CD163L1: variants seen among roughly 807,000 people sequenced by gnomAD.
CD163L1 encodes the protein scavenger receptor cysteine-rich type 1 protein M160.
Under a neutral mutation model 165.4 loss-of-function variants are expected in CD163L1, and 124 were observed. The ratio of observed to expected loss-of-function variants is 0.75; its 90% confidence interval spans 0.65 to 0.87. The LOEUF (loss-of-function observed/expected upper bound fraction) is 0.87. CD163L1 is among the 40% of genes least tolerant of loss of function. The pLI, the probability that CD163L1 is intolerant of heterozygous loss-of-function variation, is 0.00. For synonymous variants in CD163L1, 585 were observed against 662.2 expected, an observed-to-expected ratio of 0.88 and a Z score of 1.79; for missense variants, 1,525 against 1,799.9, an observed-to-expected ratio of 0.85 and a Z score of 2.76.
rs1278104647 is a variant in CD163L1 at position 7,369,684 on chromosome 12, T to C, written c.3731-19A>G. 1.3e-6 allele frequency: 2 copies of C among 1,598,558 alleles called. No homozygotes were observed. Among genetic ancestry groups the C allele is most frequent in the Admixed American group, 3.4e-5 (2 of 59,386 alleles). On this transcript the variant is annotated intron_variant, in intron 14 of 19. Coordinates refer to ENST00000313599, the MANE Select transcript of CD163L1 (RefSeq NM_174941.6). This position sits in a 1 kb window ranked among gnomAD's most constrained non-coding sequence, Gnocchi z 4.9. ...ATTCTATCTACAAAGGCACAAAACA[T>C]GGCTGTCTTTACTCCTGAAGGAGGT...
chr12:7,398,060 T>C lies in CD163L1; in HGVS notation c.1729+204A>G, dbSNP rs1311319902. On this transcript the variant is annotated intron_variant, in intron 7 of 19. Transcript: ENST00000313599. The surrounding 1 kb of genome is among the most constrained non-coding windows in gnomAD (Gnocchi z 4.5). Reference sequence around the variant, plus strand: ...GTAGGGGAAGGGATCCAAAGGATCATAGTCAGGGTTGTCTACTAATTTCTT... The same window carrying C: ...GTAGGGGAAGGGATCCAAAGGATCACAGTCAGGGTTGTCTACTAATTTCTT... Among the ~76,000 whole-genome samples, 2 of 152,200 alleles carry C rather than the reference T, an allele frequency of 1.3e-5. No individual in the cohort carries two copies. The highest frequency in any genetic ancestry group is 4.8e-5 in the African/African-American group (2 of 41,456).
the CD163L1 span, among the ~76,000 whole-genome samples, chr12:7,328,993 C>T: frequency 1.0e-4 from 15 of 147,276 alleles, no homozygotes; most frequent in African/African-American, 3.5e-4. Context: ...TGTATATACA[C>T]ATATGTATAT....
In CD163L1 at chr12:7,375,385, C is replaced by T; in HGVS notation, c.2897G>A (p.Arg966Lys). The change falls in exon 11 of 20, where the codon AGG becomes AAG. Residue 966 changes from arginine (R) to lysine (K), a missense_variant. Transcript: ENST00000313599. ...GERSVRVWGH[R>K]FHCLGNESLL... ...TGACTCATTCCCTAAGCAATGAAAC[C>T]TGTGTCCCCACACACGAACACTTCT... The T allele has an allele frequency of 6.2e-7, 1 of 1,614,180 alleles. No individual in the cohort carries two copies. Among genetic ancestry groups the T allele is most frequent in the Non-Finnish European group, 8.5e-7 (1 of 1,180,042 alleles).
At chr12:7,323,322 G>A in the CD163L1 span, 1 of 1,608,946 alleles carries the variant, frequency 6.2e-7, no homozygotes, top group Non-Finnish European at 8.5e-7. Flanking sequence ...CAGGTAGGTT[G>A]AGAAAATATC....
chr12:7,344,089 TTG>T (rs1203046377), downstream of CD163L1, among the ~76,000 whole-genome samples: 1 of 151,442 alleles, frequency 6.6e-6, no homozygotes. Context: ...TTTTTTTTGT[TTG>T]TTTTTTTTGA....
the CD163L1 span, among the ~76,000 whole-genome samples, chr12:7,329,666 G>A: frequency 6.6e-6 from 1 of 151,624 alleles, no homozygotes; most frequent in Non-Finnish European, 1.5e-5. Context: ...CCTAAAGGGG[G>A]AAAAGAAAGC....
chr12:7,437,397 A>G (rs1948752437), intron 2 of CD163L1, among the ~76,000 whole-genome samples: 1 of 151,408 alleles, frequency 6.6e-6, no homozygotes, highest in Non-Finnish European at 1.5e-5. Context: ...CAAGTTTGTT[A>G]CATATGTATA....
In CD163L1 at chr12:7,399,584, CTCTT is replaced by C. The variant is rs754453315; in HGVS notation, c.1409-1004_1409-1001del. 1.4e-3 allele frequency among the ~76,000 whole-genome samples: 86 copies of C among 61,260 alleles called. 1 individual carries two copies. The Middle Eastern group carries it at 0.042, about 30-fold the overall frequency. The allele number at this position is 61,260 out of a possible 152,430, so 40.2% of individuals were successfully genotyped here. A position where few individuals can be genotyped will look rare whatever the true frequency, so the allele number is the denominator to read the frequency against. On this transcript the variant is annotated intron_variant, in intron 6 of 19. Coordinates refer to ENST00000313599, the MANE Select transcript of CD163L1 (RefSeq NM_174941.6). ...CTTTCCTTTCTTTCCTTCTCTCTCTCTCTTTCTTTCTTTCTTTTTCTTTCCTTTC... is the reference window on the plus strand; with the variant it reads ...CTTTCCTTTCTTTCCTTCTCTCTCTCTCTTTCTTTCTTTTTCTTTCCTTTC...
intron 7 of CD163L1, among the ~76,000 whole-genome samples, chr12:7,396,938 C>T (rs910880359): frequency 6.6e-6 from 1 of 151,900 alleles, no homozygotes; most frequent in Non-Finnish European, 1.5e-5. Context: ...GATTTTGGTA[C>T]TAATAGTGGT....
chr12:7,432,896 T>C lies in CD163L1; in HGVS notation c.446-160A>G, dbSNP rs1948653833. On this transcript the variant is annotated intron_variant, in intron 3 of 19. Coordinates refer to ENST00000313599, the MANE Select transcript of CD163L1 (RefSeq NM_174941.6). This position sits in a 1 kb window ranked among gnomAD's most constrained non-coding sequence, Gnocchi z 4.2. The stretch of plus-strand genomic sequence containing the variant: ...TATAGGAGGGGTATGTGAGGCTTTT[T>C]TCTAAACACAAATACACAAACAAAA... Among the ~76,000 whole-genome samples, 1 of 152,186 alleles carries C rather than the reference T, an allele frequency of 6.6e-6. No homozygotes were observed. The highest frequency in any genetic ancestry group is 1.5e-5 in the Non-Finnish European group (1 of 68,024).
chr12:7,328,945 GTATA>G, the CD163L1 span, among the ~76,000 whole-genome samples: 1 of 147,974 alleles, frequency 6.8e-6, no homozygotes, highest in Non-Finnish European at 1.5e-5. Flanking sequence ...GTGTATATAT[GTATA>G]TATACTGTAT....
rs770900910 is a variant in CD163L1 at position 7,433,657 on chromosome 12, G to A, written c.162C>T (p.Asp54=). The part of the protein sequence containing the change: ...TDLELRLVNG[D]GPCSGTVEVK... ...CCTCCACTGTCCCAGAGCAGGGACC[G>A]TCTCCATTGACCAGCCTCAACTCCA... Residue 54 remains aspartate (D), a synonymous_variant, in exon 3 of 20, where the codon GAC becomes GAT. Coordinates refer to ENST00000313599, the MANE Select transcript of CD163L1 (RefSeq NM_174941.6). 31 of 1,613,530 alleles carry A rather than the reference G, an allele frequency of 1.9e-5. No homozygotes were observed. The highest frequency in any genetic ancestry group is 1.3e-4 in the South Asian group (12 of 90,958).
chr12:7,379,338 A>G (rs369279149), intron 8 of CD163L1, 40 bp from the exon 9 acceptor site: 33 of 1,586,908 alleles, frequency 2.1e-5, no homozygotes, highest in Non-Finnish European at 2.5e-5. Flanking sequence ...GAAGCACTCT[A>G]TGTGAGACAT....
intron 4 of CD163L1, among the ~76,000 whole-genome samples, chr12:7,429,255 G>A (rs1006500892): frequency 1.3e-5 from 2 of 151,868 alleles, no homozygotes; most frequent in Non-Finnish European, 2.9e-5. Flanking sequence ...AAAATAAAAT[G>A]TCCACCTCAG....
chr12:7,332,879 T>C, the CD163L1 span, among the ~76,000 whole-genome samples: 1 of 152,174 alleles, frequency 6.6e-6, no homozygotes, highest in South Asian at 2.1e-4. Flanking sequence ...CATCAACTAA[T>C]GAGCAAAATA....
chr12:7,377,023 T>G (rs190592465), intron 9 of CD163L1, among the ~76,000 whole-genome samples: 1 of 152,350 alleles, frequency 6.6e-6, no homozygotes, highest in East Asian at 1.9e-4. Context: ...AAGACCTGCT[T>G]GTCCCTGAGT....
the CD163L1 span, chr12:7,320,759 G>A: frequency 3.7e-6 from 6 of 1,613,720 alleles, no homozygotes; most frequent in African/African-American, 1.3e-5. Context: ...ACCCTGTGCA[G>A]TCCTCCCACT....
intron 4 of CD163L1, among the ~76,000 whole-genome samples, chr12:7,419,712 T>C (rs552975397): frequency 6.6e-6 from 1 of 151,974 alleles, no homozygotes; most frequent in African/African-American, 2.4e-5. Context: ...ACAACAGCAG[T>C]GACCAAGTTG....
At chr12:7,357,321 T>A in intron 19 of CD163L1, 59 bp downstream of exon 19, 1 of 1,084,374 alleles carries the variant, frequency 9.2e-7, no homozygotes, top group Non-Finnish European at 1.4e-6. Flanking sequence ...TGTATTTAAT[T>A]CTGCGACAGT....
Sources: gnomAD v4.1 joint callset for allele counts (sites outside exome capture counted in the v4.1 genomes callset) on GRCh38, gnomAD v4.1.1 for gene constraint, Gnocchi (gnomAD v3.1) non-coding constraint, MANE v1.5 for transcripts, NCBI Gene and HGNC (gene_info 2026-07-23, HGNC 2026-07-21) for gene names.